Variants in ARHGAP10 observed in about 807,000 individuals in gnomAD.
The protein encoded by ARHGAP10 is Rho GTPase activating protein 10.
ARHGAP10 carries 87 observed loss-of-function variants against 108.6 expected under a neutral mutation model. The ratio of observed to expected loss-of-function variants is 0.80; its 90% confidence interval spans 0.67 to 0.96. The LOEUF (loss-of-function observed/expected upper bound fraction) is 0.96, where lower values mean the gene tolerates loss of function less well. ARHGAP10 is among the 40% of genes least tolerant of loss of function. The probability of loss-of-function intolerance (pLI) is 0.00; values close to 1 mark genes in which losing one functional copy is unlikely to be tolerated. For synonymous variants in ARHGAP10, 347 were observed against 341.1 expected, an observed-to-expected ratio of 1.02 and a Z score of -0.19; for missense variants, 939 against 954.5, an observed-to-expected ratio of 0.98 and a Z score of 0.21.
intron 13 of ARHGAP10, among the ~76,000 whole-genome samples, chr4:147,915,251 A>G (rs374515096): frequency 5.3e-5 from 8 of 152,220 alleles, no homozygotes; most frequent in African/African-American, 1.7e-4. Flanking sequence ...TACAGTGGCA[A>G]TTCACACTGG....
chr4:147,743,795 CATAA>C (rs1016965585), intron 1 of ARHGAP10, among the ~76,000 whole-genome samples: 4 of 152,142 alleles, frequency 2.6e-5, no homozygotes, highest in African/African-American at 7.2e-5. Flanking sequence ...TAAATAAATA[CATAA>C]ATAAATAAAG....
chr4:147,971,162 C>T (rs1356287148), intron 18 of ARHGAP10, among the ~76,000 whole-genome samples: 5 of 149,962 alleles, frequency 3.3e-5, no homozygotes, highest in Non-Finnish European at 5.9e-5. Context: ...CCTTTGTTAA[C>T]GAGAAAATTT....
intron 13 of ARHGAP10, among the ~76,000 whole-genome samples, chr4:147,937,234 G>T (rs1737988835): frequency 6.6e-6 from 1 of 151,218 alleles, no homozygotes; most frequent in African/African-American, 2.5e-5. Context: ...TTTCTTCTGA[G>T]GCCTCTCTCT....
intron 1 of ARHGAP10, among the ~76,000 whole-genome samples, chr4:147,762,719 G>A (rs1378245566): frequency 6.6e-6 from 1 of 151,560 alleles, no homozygotes; most frequent in Non-Finnish European, 1.5e-5. Context: ...TTTTAGTAGA[G>A]ATGGGTTTCA....
At chr4:147,997,664 A>AT (rs1033785822) in intron 18 of ARHGAP10, among the ~76,000 whole-genome samples, 25 of 152,192 alleles carry the variant, frequency 1.6e-4, no homozygotes, top group Non-Finnish European at 3.4e-4. Flanking sequence ...AAACAACAGA[A>AT]TTTTTTTTGT....
intron 18 of ARHGAP10, among the ~76,000 whole-genome samples, chr4:147,996,559 A>G (rs868709716): frequency 6.6e-6 from 1 of 152,228 alleles, no homozygotes; most frequent in East Asian, 1.9e-4. Flanking sequence ...TGTACAGCCC[A>G]GTCAGGGGAG....
intron 18 of ARHGAP10, among the ~76,000 whole-genome samples, chr4:147,988,003 C>A (rs554507891): frequency 6.6e-6 from 1 of 152,304 alleles, no homozygotes; most frequent in South Asian, 2.1e-4. Context: ...TGAGAAAATA[C>A]AGAGTGTGAG....
At chr4:147,765,253 C>T (rs1182713758) in intron 1 of ARHGAP10, among the ~76,000 whole-genome samples, 4 of 148,632 alleles carry the variant, frequency 2.7e-5, no homozygotes, top group Non-Finnish European at 5.9e-5. Flanking sequence ...TAATTCACAG[C>T]CAGGTGTTTC....
chr4:148,004,408 A>C (rs927838404), intron 18 of ARHGAP10, among the ~76,000 whole-genome samples: 2 of 152,236 alleles, frequency 1.3e-5, no homozygotes, highest in African/African-American at 4.8e-5. Flanking sequence ...TGATTGTGGC[A>C]GACTCACCCT....
intron 1 of ARHGAP10, among the ~76,000 whole-genome samples, chr4:147,781,463 G>A (rs887407953): frequency 2.6e-5 from 4 of 152,050 alleles, no homozygotes; most frequent in African/African-American, 7.2e-5. Flanking sequence ...TTAAAAATAC[G>A]GGGAGCTACT....
rs908215440 is a variant in ARHGAP10 at position 148,072,109 on chromosome 4, C to T, written c.*28C>T. Reference sequence around the variant, plus strand: ...CCTGGCCTCAGAGCCCCTGCTGACCCTGGCACCCAGGGACCTGCCTGGGGG... The same window carrying T: ...CCTGGCCTCAGAGCCCCTGCTGACCTTGGCACCCAGGGACCTGCCTGGGGG... On this transcript the variant is annotated 3_prime_UTR_variant, in exon 23 of 23. Coordinates refer to ENST00000336498, the MANE Select transcript of ARHGAP10 (RefSeq NM_024605.4). 6.3e-7 allele frequency: 1 copy of T among 1,598,376 alleles called. No homozygotes were observed.
intron 16 of ARHGAP10, among the ~76,000 whole-genome samples, chr4:147,958,986 A>T (rs1346756449): frequency 1.3e-5 from 2 of 152,056 alleles, no homozygotes; most frequent in Non-Finnish European, 2.9e-5. Flanking sequence ...ATTTGGTATT[A>T]TGATTAATTT....
At chr4:147,815,675 A>G (rs1219394317) in intron 1 of ARHGAP10, among the ~76,000 whole-genome samples, 3 of 152,040 alleles carry the variant, frequency 2.0e-5, no homozygotes, top group Non-Finnish European at 4.4e-5. Context: ...TGGGCAATGT[A>G]GTGAGACCCC....
rs148488452 is a variant in ARHGAP10, at chr4:148,047,027, G to A, written c.2003G>A (p.Ser668Asn). ...AACCACCTTCTGGCAGATGGAGGGAGCTTTGGAGACTGGGCATCCACTATG... is the reference window on the plus strand; with the variant it reads ...AACCACCTTCTGGCAGATGGAGGGAACTTTGGAGACTGGGCATCCACTATG... ...DKNHLLADGG[S>N]FGDWASTIPG... The change falls in exon 20 of 23, where the codon AGC becomes AAC. Residue 668 changes from serine to asparagine, a missense_variant. Ser to Asn is a conservative substitution (Grantham distance 46, BLOSUM62 1). Coordinates refer to ENST00000336498, the MANE Select transcript of ARHGAP10 (RefSeq NM_024605.4). 9 of 1,614,072 alleles carry A rather than the reference G, an allele frequency of 5.6e-6. No homozygotes were observed. Among genetic ancestry groups the A allele is most frequent in the Non-Finnish European group, 7.6e-6 (9 of 1,180,046 alleles).
chr4:147,883,866 T>C (rs182523273), intron 10 of ARHGAP10, among the ~76,000 whole-genome samples: 2 of 152,214 alleles, frequency 1.3e-5, no homozygotes, highest in East Asian at 3.9e-4. Flanking sequence ...GGCTAATTTT[T>C]GTATTTTCAG....
intron 1 of ARHGAP10, among the ~76,000 whole-genome samples, chr4:147,792,893 T>C (rs962509536): frequency 1.3e-5 from 2 of 152,206 alleles, no homozygotes; most frequent in African/African-American, 4.8e-5. Flanking sequence ...CTCACTCCTG[T>C]AATCCCAGCA....
chr4:147,973,581 T>C (rs1739489294), intron 18 of ARHGAP10, among the ~76,000 whole-genome samples: 1 of 152,142 alleles, frequency 6.6e-6, no homozygotes, highest in African/African-American at 2.4e-5. Flanking sequence ...GTGTAAGAAA[T>C]TATTGTTGAC....
At chr4:147,824,851 T>C (rs2126789091) in intron 3 of ARHGAP10, among the ~76,000 whole-genome samples, 1 of 152,294 alleles carries the variant, frequency 6.6e-6, no homozygotes, top group Middle Eastern at 3.4e-3. Context: ...CCAAACCATA[T>C]CAGCCAGGAG....
intron 3 of ARHGAP10, among the ~76,000 whole-genome samples, chr4:147,836,088 A>G (rs1006016893): frequency 6.6e-6 from 1 of 152,226 alleles, no homozygotes; most frequent in African/African-American, 2.4e-5. Flanking sequence ...AATAATCTGA[A>G]TAAAATTTCT....
Sources: gnomAD v4.1 joint callset for allele counts (sites outside exome capture counted in the v4.1 genomes callset) on GRCh38, gnomAD v4.1.1 for gene constraint, MANE v1.5 for transcripts, NCBI Gene and HGNC (gene_info 2026-07-23, HGNC 2026-07-21) for gene names.